The following PRSS23 variants were observed in gnomAD, a reference collection of about 807,000 sequenced individuals.
PRSS23 encodes serine protease 23.
Under a neutral mutation model 34.7 loss-of-function variants are expected in PRSS23, and 25 were observed. The ratio of observed to expected loss-of-function variants is 0.72; its 90% CI spans 0.53 to 1.01. The LOEUF is 1.01. PRSS23 is among the 50% of genes least tolerant of loss of function. PRSS23 has a pLI of 0.00. For missense variants in PRSS23, 445 were observed against 475.6 expected, an observed-to-expected ratio of 0.94 and a Z score of 0.60; for synonymous variants, 176 against 186.6, an observed-to-expected ratio of 0.94 and a Z score of 0.46.
At chr11:86,939,422 A>ATT (rs1395492928) in intron 2 of PRSS23, among the ~76,000 whole-genome samples, 9 of 88,718 alleles carry the variant, frequency 1.0e-4, no homozygotes, top group African/African-American at 2.5e-4. Flanking sequence ...ATATATATAT[A>ATT]TATATTTTTT....
At chr11:86,890,101 C>G (rs1948831291) in intron 2 of PRSS23, among the ~76,000 whole-genome samples, 1 of 149,624 alleles carries the variant, frequency 6.7e-6, no homozygotes, top group African/African-American at 2.5e-5. Context: ...AACTCCATCT[C>G]TACTAAAAAT....
intron 2 of PRSS23, among the ~76,000 whole-genome samples, chr11:86,870,925 C>G (rs895045730): frequency 4.6e-5 from 7 of 152,196 alleles, no homozygotes; most frequent in Admixed American, 1.3e-4. Flanking sequence ...TTCTTAAACA[C>G]ATTTATAATA....
chr11:86,900,781 C>CTCTCTCTT (rs775258446), intron 2 of PRSS23, among the ~76,000 whole-genome samples: 17 of 94,016 alleles, frequency 1.8e-4, no homozygotes, highest in African/African-American at 3.1e-4. Flanking sequence ...ATCTCTCTCT[C>CTCTCTCTT]TTTTTTTTTT....
chr11:86,901,668 A>G (rs949639008), intron 2 of PRSS23, among the ~76,000 whole-genome samples: 5 of 152,186 alleles, frequency 3.3e-5, no homozygotes, highest in African/African-American at 1.2e-4. Flanking sequence ...ATAGTCATAC[A>G]GTCATTCACA....
intron 2 of PRSS23, among the ~76,000 whole-genome samples, chr11:86,894,577 T>A (rs113937855): frequency 6.6e-6 from 1 of 152,146 alleles, no homozygotes; most frequent in Admixed American, 6.5e-5. Flanking sequence ...CCTTCCATCT[T>A]ATTGCTTCTC....
chr11:86,916,851 T>G (rs76953530), intron 2 of PRSS23, among the ~76,000 whole-genome samples: 1,599 of 152,252 alleles, frequency 0.011, 35 homozygotes, highest in African/African-American at 0.037. Flanking sequence ...ACTGTAAAAC[T>G]TATACGTCTG....
At chr11:86,869,243 T>C (rs1836784557) in intron 2 of PRSS23, among the ~76,000 whole-genome samples, 1 of 152,108 alleles carries the variant, frequency 6.6e-6, no homozygotes, top group African/African-American at 2.4e-5. Context: ...TAGTCAGTAT[T>C]TAATAAATGG....
At chr11:86,798,033 T>C (rs1196998565), upstream of PRSS23, among the ~76,000 whole-genome samples, 2 of 152,306 alleles carry the variant, frequency 1.3e-5, no homozygotes, top group South Asian at 2.1e-4. Flanking sequence ...CCATGTAATA[T>C]GTGCTCAATA....
downstream of PRSS23, among the ~76,000 whole-genome samples, chr11:86,813,579 AG>A (rs1948195072): frequency 1.3e-5 from 2 of 152,238 alleles, no homozygotes; most frequent in African/African-American, 4.8e-5. Flanking sequence ...CACAGTGTCT[AG>A]GGCCCACAGC....
At chr11:86,834,897 AT>A (rs1413373160) in intron 2 of PRSS23, among the ~76,000 whole-genome samples, 3 of 152,164 alleles carry the variant, frequency 2.0e-5, no homozygotes, top group Non-Finnish European at 4.4e-5. Context: ...CAAGTATTCC[AT>A]TATCACTGAC....
intron 2 of PRSS23, chr11:86,921,301 C>T (rs564906831): frequency 6.6e-6 from 1 of 152,290 alleles, no homozygotes; most frequent in South Asian, 2.1e-4. Context: ...TTGAGAGCCC[C>T]ACGCAGGCAG....
intron 2 of PRSS23, among the ~76,000 whole-genome samples, chr11:86,825,417 C>T (rs1214289031): frequency 6.6e-6 from 1 of 152,026 alleles, no homozygotes; most frequent in Non-Finnish European, 1.5e-5. Flanking sequence ...AAATTTTCTC[C>T]CATTTTGTAG....
chr11:86,889,047 A>G (rs1948823755), intron 2 of PRSS23, among the ~76,000 whole-genome samples: 1 of 152,162 alleles, frequency 6.6e-6, no homozygotes, highest in Non-Finnish European at 1.5e-5. Context: ...AATCCTTGGG[A>G]GGGGCAGTTT....
chr11:86,870,277 C>G (rs1948676627), intron 2 of PRSS23, among the ~76,000 whole-genome samples: 2 of 142,468 alleles, frequency 1.4e-5, no homozygotes, highest in Non-Finnish European at 3.1e-5. Flanking sequence ...ACAACAAAAC[C>G]TACCAGAGCT....
intron 2 of PRSS23, among the ~76,000 whole-genome samples, chr11:86,856,281 G>C (rs1948570364): frequency 6.6e-6 from 1 of 151,250 alleles, no homozygotes; most frequent in African/African-American, 2.4e-5. Context: ...ATTGGAGCTT[G>C]ATCCCTCTAG....
chr11:86,800,584 C>T lies in PRSS23; in HGVS notation c.-81C>T. 1.0e-6 allele frequency: 1 copy of T among 985,004 alleles called. No homozygotes were observed. The highest frequency in any genetic ancestry group is 1.2e-6 in the Non-Finnish European group (1 of 829,806). 61.0% of individuals were successfully genotyped at this position (985,004 alleles called of 1,614,324 possible). On this transcript the variant is annotated 5_prime_UTR_variant, in exon 1 of 2. Transcript: ENST00000280258. ...GGGGCAGGCATGGGAGCCGCGCGCT[C>T]TCTCCCGGCGCCCACACCTGTCTGA...
At chr11:86,799,710 C>T (rs889707856), upstream of PRSS23, among the ~76,000 whole-genome samples, 2 of 151,982 alleles carry the variant, frequency 1.3e-5, no homozygotes, top group African/African-American at 2.4e-5. Context: ...CCCCCAACCA[C>T]CACCACCAAG....
intron 2 of PRSS23, among the ~76,000 whole-genome samples, chr11:86,906,525 G>A (rs1324539370): frequency 6.6e-6 from 1 of 152,216 alleles, no homozygotes; most frequent in Non-Finnish European, 1.5e-5. Flanking sequence ...CAGCCCCGCA[G>A]TGCCTCGCCA....
At chr11:86,791,816 C>T (rs1302172973) in intron 1 of PRSS23, among the ~76,000 whole-genome samples, 1 of 152,216 alleles carries the variant, frequency 6.6e-6, no homozygotes, top group Non-Finnish European at 1.5e-5. Context: ...CATGGTCCTA[C>T]TGCTCAGAGG....
Sources: gnomAD v4.1 joint callset for allele counts (sites outside exome capture counted in the v4.1 genomes callset) on GRCh38, gnomAD v4.1.1 for gene constraint, MANE v1.5 for transcripts, NCBI Gene and HGNC (gene_info 2026-07-23, HGNC 2026-07-21) for gene names.